Variants in PHF20 observed in about 807,000 individuals in gnomAD.
PHF20 encodes glioma-expressed antigen 2.
PHF20 carries 23 observed loss-of-function variants against 113.5 expected under a neutral mutation model. That is an observed-to-expected ratio of 0.20 (90% CI 0.15 to 0.29). PHF20 has a LOEUF of 0.29. PHF20 is among the 10% of genes least tolerant of loss of function. The pLI is 1.00. For missense variants in PHF20, 943 were observed against 1,219.6 expected (o/e 0.77, Z 3.38); for synonymous variants, 434 against 457.3 (o/e 0.95, Z 0.65).
rs573144794 is a variant in PHF20 at position 35,935,030 on chromosome 20, A to T, written c.2300+3586A>T. On this transcript the variant is annotated intron_variant, in intron 15 of 17. Transcript: ENST00000374012. ...CTTAGCTATATTTCTTTAAAAAAAA[A>T]TTTTTTTTTTTTAAGAGATGGAGTC... 6.1e-4 allele frequency among the ~76,000 whole-genome samples: 91 copies of T among 148,046 alleles called. No homozygotes were observed. In the South Asian group the frequency reaches 0.013, roughly 21 times the overall value.
chr20:35,946,119 C>T (rs1001390625), intron 17 of PHF20, among the ~76,000 whole-genome samples: 10 of 149,344 alleles, frequency 6.7e-5, no homozygotes, highest in Admixed American at 1.3e-4. Flanking sequence ...TGCAGTGAGT[C>T]GAGATCATTG....
At chr20:35,823,825 A>G (rs1401754524) in intron 2 of PHF20, among the ~76,000 whole-genome samples, 2 of 152,266 alleles carry the variant, frequency 1.3e-5, no homozygotes, top group East Asian at 3.9e-4. Flanking sequence ...GGAATTATTC[A>G]GTACATAGCC....
At chr20:35,893,313 CTT>C (rs764365790) in intron 9 of PHF20, among the ~76,000 whole-genome samples, 11 of 144,650 alleles carry the variant, frequency 7.6e-5, no homozygotes, top group African/African-American at 1.0e-4. Context: ...TTGGCCATGA[CTT>C]TTTTTTTTTT....
At chr20:35,821,033 C>A (rs1316526062) in intron 2 of PHF20, among the ~76,000 whole-genome samples, 1 of 151,798 alleles carries the variant, frequency 6.6e-6, no homozygotes. Flanking sequence ...GGAGGTGAGC[C>A]CAGAAAGGTC....
At chr20:35,932,328 CA>C (rs2055774240) in intron 15 of PHF20, among the ~76,000 whole-genome samples, 1 of 147,638 alleles carries the variant, frequency 6.8e-6, no homozygotes, top group African/African-American at 2.5e-5. Context: ...CTCGGGCTCC[CA>C]AAGTGCTGGG....
intron 1 of PHF20, among the ~76,000 whole-genome samples, chr20:35,786,091 T>TA (rs2041406774): frequency 1.4e-5 from 2 of 147,858 alleles, no homozygotes; most frequent in Admixed American, 6.8e-5. Context: ...CAGGTGTGTT[T>TA]AAAAAAAGAC....
At chr20:35,799,124 T>A (rs2041726988) in intron 1 of PHF20, among the ~76,000 whole-genome samples, 1 of 152,100 alleles carries the variant, frequency 6.6e-6, no homozygotes, top group African/African-American at 2.4e-5. Context: ...CTGGCAGTGC[T>A]CTGGCATTGC....
intron 9 of PHF20, among the ~76,000 whole-genome samples, chr20:35,881,141 T>C (rs1313874967): frequency 7.0e-6 from 1 of 143,696 alleles, no homozygotes; most frequent in East Asian, 2.3e-4. Flanking sequence ...CACTGCAACC[T>C]TCGCCTCCTG....
chr20:35,910,068 T>G (rs2055269527), intron 10 of PHF20, among the ~76,000 whole-genome samples: 1 of 152,258 alleles, frequency 6.6e-6, no homozygotes, highest in Non-Finnish European at 1.5e-5. Context: ...TCACACCTGC[T>G]TTGTGGATAT....
Position 35,941,124 on chromosome 20 carries a change from C to G in PHF20, c.2896+77C>G, listed in dbSNP as rs2055970711. On this transcript the variant is annotated intron_variant, in intron 17 of 17. Coordinates refer to ENST00000374012, the MANE Select transcript of PHF20 (RefSeq NM_016436.5). ...CAGACGAGCTGCTTTCTGAACCCCC[C>G]AGTCTGAGTTTACAGGGACCGCTGT... The G allele has an allele frequency of 4.1e-6, 5 of 1,226,958 alleles. No homozygotes were observed. In the East Asian group the frequency reaches 7.2e-5, roughly 18 times the overall value. The allele number at this position is 1,226,958 out of a possible 1,614,324, so 76.0% of individuals were successfully genotyped here.
intron 2 of PHF20, among the ~76,000 whole-genome samples, chr20:35,836,283 GC>G (rs2042438552): frequency 6.6e-6 from 1 of 151,950 alleles, no homozygotes; most frequent in Non-Finnish European, 1.5e-5. Context: ...CTCCCAAAGT[GC>G]TGGGATTATA....
chr20:35,889,187 T>C (rs897845929), intron 9 of PHF20, among the ~76,000 whole-genome samples: 3 of 151,684 alleles, frequency 2.0e-5, no homozygotes, highest in African/African-American at 7.3e-5. Flanking sequence ...AGCTAACTTT[T>C]GTATTTTTAG....
At chr20:35,818,387 A>C (rs2042112538) in intron 2 of PHF20, among the ~76,000 whole-genome samples, 1 of 151,744 alleles carries the variant, frequency 6.6e-6, no homozygotes, top group Admixed American at 6.6e-5. Flanking sequence ...CAGCCTCCTG[A>C]GTAGCTGGGA....
intron 15 of PHF20, among the ~76,000 whole-genome samples, chr20:35,937,820 CTGTTT>C (rs2055894065): frequency 6.6e-6 from 1 of 152,094 alleles, no homozygotes; most frequent in Non-Finnish European, 1.5e-5. Context: ...TTGCTACAGT[CTGTTT>C]TGTCAGTCTG....
At chr20:35,933,067 A>G (rs1164663405) in intron 15 of PHF20, among the ~76,000 whole-genome samples, 2 of 151,136 alleles carry the variant, frequency 1.3e-5, no homozygotes, top group Non-Finnish European at 1.5e-5. Context: ...TTTTATGTGT[A>G]TGCCACATTT....
intron 2 of PHF20, among the ~76,000 whole-genome samples, chr20:35,818,922 C>T (rs1384030820): frequency 6.7e-6 from 1 of 149,278 alleles, no homozygotes; most frequent in Non-Finnish European, 1.5e-5. Flanking sequence ...TCCTGCCTTC[C>T]CTGTTTTTGT....
intron 6 of PHF20, among the ~76,000 whole-genome samples, chr20:35,866,922 G>A (rs867197658): frequency 1.2e-4 from 19 of 152,158 alleles, no homozygotes; most frequent in African/African-American, 2.9e-4. Flanking sequence ...CTTGCCCAAG[G>A]CATTTGTGAA....
chr20:35,897,635 C>T (rs1223653113), intron 9 of PHF20, among the ~76,000 whole-genome samples: 1 of 139,808 alleles, frequency 7.2e-6, no homozygotes, highest in Non-Finnish European at 1.5e-5. Flanking sequence ...GGTGCGATCT[C>T]GGCTCACTGC....
At chr20:35,882,982 C>G (rs1277714341) in intron 9 of PHF20, among the ~76,000 whole-genome samples, 2 of 147,898 alleles carry the variant, frequency 1.4e-5, no homozygotes, top group Non-Finnish European at 3.0e-5. Flanking sequence ...GAGCCAAGAT[C>G]ACGTTATTGC....
Sources: gnomAD v4.1 joint callset for allele counts (sites outside exome capture counted in the v4.1 genomes callset) on GRCh38, gnomAD v4.1.1 for gene constraint, MANE v1.5 for transcripts, NCBI Gene and HGNC (gene_info 2026-07-23, HGNC 2026-07-21) for gene names.